TADA2A: variants seen among roughly 807,000 people sequenced by gnomAD.
TADA2A encodes the protein transcriptional adapter 2-alpha.
In TADA2A, 38 loss-of-function variants were observed where a neutral mutation model predicts 67.4. The ratio of observed to expected loss-of-function variants is 0.56; its 90% confidence interval spans 0.44 to 0.74. The LOEUF is 0.74. Among genes scored for constraint, TADA2A ranks in the 30% least tolerant of loss-of-function variants. The pLI is 0.00. For missense variants in TADA2A, 454 were observed against 547.0 expected, an observed-to-expected ratio of 0.83 and a Z score of 1.70; for synonymous variants, 192 against 181.6, an observed-to-expected ratio of 1.06 and a Z score of -0.46.
Position 37,437,676 on chromosome 17 carries a change from C to A in TADA2A, c.193-62C>A. 2.0e-6 allele frequency: 3 copies of A among 1,485,524 alleles called. No homozygotes were observed. In the South Asian group the frequency reaches 3.4e-5, roughly 17 times the overall value. The allele number at this position is 1,485,524 out of a possible 1,614,324, so 92.0% of individuals were successfully genotyped here. ...TGCTGGGAGTATAGGCGTGAGCCAC[C>A]GTGCCTGGCCCCTAGATTCCATTTG... On this transcript the variant is annotated intron_variant, in intron 4 of 15. Coordinates refer to ENST00000615182, the MANE Select transcript of TADA2A (RefSeq NM_001166105.3).
chr17:37,461,946 G>C, intron 9 of TADA2A, 132 bp from the exon 10 acceptor site: 1 of 678,864 alleles, frequency 1.5e-6, no homozygotes. Context: ...AAATTTGTGG[G>C]AGTGACTTCT....
intron 15 of TADA2A, among the ~76,000 whole-genome samples, chr17:37,475,686 G>A (rs1008769899): frequency 1.3e-5 from 2 of 152,102 alleles, no homozygotes; most frequent in Non-Finnish European, 2.9e-5. Context: ...GGCTGGTCTC[G>A]AACTCCTGAC....
At chr17:37,443,523 G>A (rs1356238340) in intron 7 of TADA2A, among the ~76,000 whole-genome samples, 6 of 152,182 alleles carry the variant, frequency 3.9e-5, no homozygotes, top group Admixed American at 1.3e-4. Flanking sequence ...CAAAGTGCTA[G>A]GATTACAGGC....
intron 14 of TADA2A, among the ~76,000 whole-genome samples, chr17:37,472,625 G>A (rs2053813732): frequency 6.6e-6 from 1 of 151,914 alleles, no homozygotes; most frequent in Admixed American, 6.6e-5. Context: ...GAGAGGCTGA[G>A]GCGGGCAGAT....
intron 10 of TADA2A, among the ~76,000 whole-genome samples, chr17:37,462,378 C>A (rs929367888): frequency 1.3e-5 from 2 of 151,988 alleles, no homozygotes; most frequent in Non-Finnish European, 2.9e-5. Context: ...CCTGTAATCC[C>A]AGCACTTTGG....
chr17:37,467,562 A>G (rs777637758), intron 12 of TADA2A, 37 bp downstream of exon 12: 1 of 1,531,634 alleles, frequency 6.5e-7, no homozygotes, highest in Non-Finnish European at 9.0e-7. Flanking sequence ...ACTTGAGGGC[A>G]AGTATCTTCC....
intron 6 of TADA2A, 136 bp downstream of exon 6, chr17:37,440,798 T>C (rs944427015): frequency 4.6e-5 from 54 of 1,161,498 alleles, no homozygotes; most frequent in Middle Eastern, 5.0e-4. Flanking sequence ...ATGGCAGCTA[T>C]TGAGAGTCAG....
intron 15 of TADA2A, 86 bp downstream of exon 15, chr17:37,474,715 C>T: frequency 7.1e-7 from 1 of 1,411,738 alleles, no homozygotes; most frequent in Non-Finnish European, 9.8e-7. Flanking sequence ...CAGGGTCAAA[C>T]CCCTTTTGTT....
intron 8 of TADA2A, among the ~76,000 whole-genome samples, chr17:37,455,374 TTG>T (rs1410396504): frequency 1.5e-4 from 22 of 150,946 alleles, no homozygotes; most frequent in Non-Finnish European, 2.7e-4. Flanking sequence ...TTTTGTTTGT[TTG>T]TTTGTTTGTT....
chr17:37,458,475 A>T (rs778771832), intron 8 of TADA2A, 49 bp from the exon 9 acceptor site: 1 of 1,158,324 alleles, frequency 8.6e-7, no homozygotes, highest in Non-Finnish European at 1.1e-6. Flanking sequence ...TTATTTATAT[A>T]ATATATATAT....
chr17:37,462,589 GC>G (rs1231091648), intron 10 of TADA2A, among the ~76,000 whole-genome samples: 3 of 152,034 alleles, frequency 2.0e-5, no homozygotes, highest in Non-Finnish European at 4.4e-5. Flanking sequence ...CCGAGATCAC[GC>G]CAGTGCACTC....
chr17:37,474,919 C>T (rs1238454377), intron 15 of TADA2A, among the ~76,000 whole-genome samples: 1 of 152,270 alleles, frequency 6.6e-6, no homozygotes, highest in East Asian at 1.9e-4. Context: ...CCATGTGCTA[C>T]TCTACTGAGT....
intron 2 of TADA2A, among the ~76,000 whole-genome samples, chr17:37,418,334 A>G (rs944155385): frequency 6.6e-6 from 1 of 152,176 alleles, no homozygotes; most frequent in African/African-American, 2.4e-5. Context: ...ATTGTAGGAT[A>G]CCTAGAATCC....
intron 3 of TADA2A, among the ~76,000 whole-genome samples, chr17:37,424,298 G>T (rs2411157): frequency 0.48 from 72,859 of 151,408 alleles, 18,310 homozygotes; most frequent in East Asian, 0.8. Context: ...AAAAAAATTA[G>T]CTGGGCATGA....
intron 15 of TADA2A, 117 bp downstream of exon 15, chr17:37,474,746 C>G: frequency 9.0e-7 from 1 of 1,109,352 alleles, no homozygotes. Flanking sequence ...AACATATATG[C>G]ACAGCTCTGG....
chr17:37,455,641 A>G (rs910547209), intron 8 of TADA2A, among the ~76,000 whole-genome samples: 3 of 152,182 alleles, frequency 2.0e-5, no homozygotes, highest in African/African-American at 7.2e-5. Context: ...TCGGCCTCCC[A>G]AAGTGCTGGG....
intron 8 of TADA2A, among the ~76,000 whole-genome samples, chr17:37,457,024 T>A (rs1568172498): frequency 6.6e-6 from 1 of 152,122 alleles, no homozygotes; most frequent in Non-Finnish European, 1.5e-5. Context: ...AACTTTTCAC[T>A]ACAGAATGCA....
chr17:37,456,431 T>C (rs529739651), intron 8 of TADA2A, among the ~76,000 whole-genome samples: 1 of 152,242 alleles, frequency 6.6e-6, no homozygotes, highest in Non-Finnish European at 1.5e-5. Flanking sequence ...TCCTACAAGA[T>C]AGCATGAAGA....
rs373073306 is a variant in TADA2A, at chr17:37,447,667, A to G, written c.604+2899A>G. 4.0e-4 allele frequency among the ~76,000 whole-genome samples: 61 copies of G among 152,310 alleles called. 3 individuals carry two copies. In the South Asian group the frequency reaches 0.012, roughly 31 times the overall value. On this transcript the variant is annotated intron_variant, in intron 8 of 15. Transcript: ENST00000615182. ...GAAGCTTGTCAGCACTACAGACCAA[A>G]GGAATGACTTGCTCATGCCACAGAG...
Sources: gnomAD v4.1 joint callset for allele counts (sites outside exome capture counted in the v4.1 genomes callset) on GRCh38, gnomAD v4.1.1 for gene constraint, MANE v1.5 for transcripts, NCBI Gene and HGNC (gene_info 2026-07-23, HGNC 2026-07-21) for gene names.